The following FAM120B variants were observed in gnomAD, a reference collection of about 807,000 sequenced individuals.
FAM120B encodes the protein family with sequence similarity 120 member B.
FAM120B carries 83 observed loss-of-function variants against 96.3 expected under a neutral mutation model. The observed-to-expected ratio is 0.86, with a 90% CI of 0.72 to 1.03. The LOEUF is 1.03. Ranked by LOEUF, FAM120B falls within the 50% of genes least tolerant of loss-of-function variation. FAM120B has a pLI of 0.00. For synonymous variants in FAM120B, 407 were observed against 402.7 expected, an observed-to-expected ratio of 1.01 and a Z score of -0.13; for missense variants, 1,027 against 1,121.2, an observed-to-expected ratio of 0.92 and a Z score of 1.20.
chr6:170,295,174 A>C (rs567705134), upstream of FAM120B: 859 of 492,474 alleles, frequency 1.7e-3, 4 homozygotes, highest in Non-Finnish European at 1.5e-3. This position sits in a 1 kb window ranked among gnomAD's most constrained non-coding sequence, Gnocchi z 7.8. Context: ...TGTGTCCTGG[A>C]GCTATCATGG....
At chr6:170,388,122 C>T (rs1790293777) in intron 6 of FAM120B, among the ~76,000 whole-genome samples, 165 bp from the exon 7 acceptor site, 1 of 152,200 alleles carries the variant, frequency 6.6e-6, no homozygotes, top group Non-Finnish European at 1.5e-5. Flanking sequence ...CCTCTGTAAT[C>T]AGTAGAGCTG....
At chr6:170,303,094 TATA>T (rs991794033), upstream of FAM120B, among the ~76,000 whole-genome samples, 30 of 152,342 alleles carry the variant, frequency 2.0e-4, no homozygotes, top group South Asian at 4.8e-3. Context: ...ATCAAATATT[TATA>T]ATCTTAAAAT....
chr6:170,297,033 C>A (rs1412816363), intron 1 of FAM120B, among the ~76,000 whole-genome samples: 1 of 152,208 alleles, frequency 6.6e-6, no homozygotes, highest in African/African-American at 2.4e-5. Context: ...CTCAGCTTGC[C>A]GGGAGCGGGG....
At chr6:170,356,676 A>G (rs1787975529) in intron 5 of FAM120B, among the ~76,000 whole-genome samples, 1 of 152,126 alleles carries the variant, frequency 6.6e-6, no homozygotes, top group Admixed American at 6.5e-5. Flanking sequence ...CATCCCATGA[A>G]CATTGTATTT....
chr6:170,391,779 GTAAT>G (rs1404176727), intron 8 of FAM120B, among the ~76,000 whole-genome samples: 3 of 152,128 alleles, frequency 2.0e-5, no homozygotes, highest in Non-Finnish European at 4.4e-5. Flanking sequence ...TATAAAGAAA[GTAAT>G]TAAAAAGGAA....
chr6:170,381,132 G>C (rs1333104138), intron 6 of FAM120B, among the ~76,000 whole-genome samples: 1 of 152,180 alleles, frequency 6.6e-6, no homozygotes, highest in East Asian at 1.9e-4. Flanking sequence ...CTTGGCATTA[G>C]GAACCACTTA....
intron 2 of FAM120B, 63 bp downstream of exon 2, chr6:170,319,187 G>T: frequency 2.8e-6 from 4 of 1,451,850 alleles, no homozygotes; most frequent in Non-Finnish European, 2.8e-6. Flanking sequence ...GGATTTGTTA[G>T]TGAAGATCCA....
chr6:170,355,051 G>A (rs1477758901), intron 5 of FAM120B, among the ~76,000 whole-genome samples: 1 of 152,236 alleles, frequency 6.6e-6, no homozygotes, highest in East Asian at 1.9e-4. Context: ...AATCAGAATG[G>A]CTATTATTAA....
intron 6 of FAM120B, among the ~76,000 whole-genome samples, chr6:170,360,167 G>A (rs1583263164): frequency 6.6e-6 from 1 of 152,184 alleles, no homozygotes; most frequent in Admixed American, 6.5e-5. Flanking sequence ...ACTGGAGTCT[G>A]AGAGTCACAC....
chr6:170,299,129 T>A (rs545971889), intron 1 of FAM120B, among the ~76,000 whole-genome samples: 15 of 152,260 alleles, frequency 9.9e-5, no homozygotes, highest in Non-Finnish European at 1.8e-4. Flanking sequence ...CCTTAAAAGT[T>A]TGATAGAATT....
chr6:170,310,999 G>A (rs1034776002), intron 1 of FAM120B, among the ~76,000 whole-genome samples: 16 of 152,198 alleles, frequency 1.1e-4, no homozygotes, highest in Admixed American at 6.5e-5. Flanking sequence ...GTATTTCTGG[G>A]GGGATAGAAG....
intron 9 of FAM120B, chr6:170,404,310 A>C (rs563052862): frequency 1.2e-5 from 6 of 499,460 alleles, no homozygotes; most frequent in African/African-American, 1.2e-4. Flanking sequence ...GCTGGTGTGA[A>C]GAGGAACAAC....
intron 9 of FAM120B, 112 bp from the exon 10 acceptor site, chr6:170,404,438 C>T (rs1210975147): frequency 1.3e-5 from 11 of 870,638 alleles, no homozygotes; most frequent in Non-Finnish European, 1.8e-5. Context: ...AAAGCTGTGT[C>T]CTCCAAATAC....
intron 3 of FAM120B, among the ~76,000 whole-genome samples, chr6:170,327,853 A>G (rs1462940354): frequency 5.6e-4 from 76 of 136,156 alleles, no homozygotes; most frequent in African/African-American, 2.0e-3. Context: ...TGAGTGAGTG[A>G]AGAGTCAGTG....
intron 8 of FAM120B, among the ~76,000 whole-genome samples, chr6:170,393,710 GCTCA>G (rs1276462937): frequency 2.6e-5 from 4 of 152,182 alleles, no homozygotes; most frequent in African/African-American, 9.7e-5. Flanking sequence ...GCCCCACATG[GCTCA>G]CCCAAAACCA....
intron 6 of FAM120B, among the ~76,000 whole-genome samples, chr6:170,384,031 A>G (rs919148918): frequency 2.6e-5 from 4 of 152,250 alleles, no homozygotes; most frequent in Admixed American, 2.6e-4. Flanking sequence ...TAAAAAAGCC[A>G]ATCCCAAAAG....
At chr6:170,382,062 A>C (rs1173587559) in intron 6 of FAM120B, among the ~76,000 whole-genome samples, 1 of 152,176 alleles carries the variant, frequency 6.6e-6, no homozygotes, top group East Asian at 1.9e-4. Context: ...AGAAGGAAAC[A>C]AAACTGTCTC....
intron 6 of FAM120B, among the ~76,000 whole-genome samples, chr6:170,371,974 T>C (rs1171835244): frequency 6.6e-6 from 1 of 152,138 alleles, no homozygotes; most frequent in Non-Finnish European, 1.5e-5. Flanking sequence ...GTTAAGTGAG[T>C]CAGGAAATTG....
At chr6:170,376,413 T>C (rs1485946183) in intron 6 of FAM120B, among the ~76,000 whole-genome samples, 1 of 137,454 alleles carries the variant, frequency 7.3e-6, no homozygotes, top group Non-Finnish European at 1.5e-5. Context: ...CCAAGGGGAA[T>C]AACACCTTCA....
Sources: gnomAD v4.1 joint callset for allele counts (sites outside exome capture counted in the v4.1 genomes callset) on GRCh38, gnomAD v4.1.1 for gene constraint, Gnocchi (gnomAD v3.1) non-coding constraint, MANE v1.5 for transcripts, NCBI Gene and HGNC (gene_info 2026-07-23, HGNC 2026-07-21) for gene names.